The following COL15A1 variants were observed in gnomAD, a reference collection of about 807,000 sequenced individuals.
COL15A1 encodes collagen type XV alpha 1 chain, also known as collagen alpha-1(XV) chain.
A neutral mutation model predicts 165.9 loss-of-function variants in COL15A1; 111 were observed. That is an observed-to-expected ratio of 0.67 (90% confidence interval 0.57 to 0.78). The LOEUF is 0.78. Among genes scored for constraint, COL15A1 ranks in the 30% least tolerant of loss-of-function variants. The pLI is 0.00. For missense variants in COL15A1, 1,745 were observed against 1,789.7 expected (o/e 0.98, Z 0.45); for synonymous variants, 659 against 674.8 (o/e 0.98, Z 0.36).
chr9:99,035,451 T>C, intron 19 of COL15A1, 33 bp downstream of exon 19: 1 of 1,613,568 alleles, frequency 6.2e-7, no homozygotes, highest in Non-Finnish European at 8.5e-7. Flanking sequence ...ATTATGAGGG[T>C]TGTCACACTG....
chr9:99,001,353 A>C (rs1276952302), intron 7 of COL15A1, among the ~76,000 whole-genome samples: 1 of 152,202 alleles, frequency 6.6e-6, no homozygotes, highest in East Asian at 1.9e-4. Context: ...ACACCTGCAA[A>C]GCCAGTTTTT....
In COL15A1 at chr9:99,040,707, T is replaced by C. The variant is rs907166375; in HGVS notation, c.2511+151T>C. 52 of 1,421,650 alleles carry C rather than the reference T, an allele frequency of 3.7e-5. No individual in the cohort carries two copies. In the African/African-American group the frequency reaches 4.9e-4, roughly 14 times the overall value. The allele number at this position is 1,421,650 out of a possible 1,614,324, so 88.1% of individuals were successfully genotyped here. ...TTTTTCTTGATATTTTTGATAGATA[T>C]GGGGTTTTGCCATGTTGCCCAGGCT... On this transcript the variant is annotated intron_variant, in intron 23 of 41. Coordinates refer to ENST00000375001, the MANE Select transcript of COL15A1 (RefSeq NM_001855.5).
chr9:98,959,942 C>T (rs1213573735), intron 2 of COL15A1, among the ~76,000 whole-genome samples: 1 of 152,264 alleles, frequency 6.6e-6, no homozygotes, highest in Non-Finnish European at 1.5e-5. Context: ...CCACCCTGAA[C>T]TGCTTGCTGG....
Position 99,047,652 on chromosome 9 carries a change from C to G in COL15A1, c.2680-134C>G. ...AGGAGGCCGCAGGCAGGGGCTTCTACCTGGCTCCCTGCCCTCCTTCCTCCT... is the reference window on the plus strand; with the variant it reads ...AGGAGGCCGCAGGCAGGGGCTTCTAGCTGGCTCCCTGCCCTCCTTCCTCCT... On this transcript the variant is annotated intron_variant, in intron 26 of 41. Coordinates refer to ENST00000375001, the MANE Select transcript of COL15A1 (RefSeq NM_001855.5). 6.7e-6 allele frequency: 6 copies of G among 893,618 alleles called. No individual in the cohort carries two copies. In the South Asian group the frequency reaches 8.7e-5, roughly 13 times the overall value. The allele number at this position is 893,618 out of a possible 1,614,324, so 55.4% of individuals were successfully genotyped here.
At chr9:99,012,192 A>T (rs1838857050) in intron 9 of COL15A1, among the ~76,000 whole-genome samples, 1 of 152,248 alleles carries the variant, frequency 6.6e-6, no homozygotes. Context: ...TTAAAGACTT[A>T]AGTCGTGTGA....
In COL15A1 at chr9:99,049,907, T is replaced by TCA. The variant is rs1463408894; in HGVS notation, c.2904+14_2904+15dup. 1 of 1,614,222 alleles carries TCA rather than the reference T, an allele frequency of 6.2e-7. No individual in the cohort carries two copies. Among genetic ancestry groups the TCA allele is most frequent in the Non-Finnish European group, 8.5e-7 (1 of 1,180,028 alleles). On this transcript the variant is annotated intron_variant, in intron 30 of 41. Transcript: ENST00000375001. ...ACTGCAAAATGCCAGTAAGTAGCAA[T>TCA]CACTGCCTTAAAGAGCAGGCTTTGG...
chr9:99,056,423 G>A lies in COL15A1; in HGVS notation c.3337+19G>A, dbSNP rs373867738. 1 of 1,592,680 alleles carries A rather than the reference G, an allele frequency of 6.3e-7. No individual in the cohort carries two copies. Among genetic ancestry groups the A allele is most frequent in the East Asian group, 2.2e-5 (1 of 44,706 alleles). On this transcript the variant is annotated intron_variant, in intron 35 of 41. Transcript: ENST00000375001. ...GGAGCAGGTTAGTGCCGTAAACAGT[G>A]CCCTTGTTCATGCTGTCCCTACCAT... is the stretch of plus-strand genomic sequence containing the variant.
intron 2 of COL15A1, among the ~76,000 whole-genome samples, chr9:98,948,369 C>T (rs562842905): frequency 1.3e-5 from 2 of 152,022 alleles, no homozygotes; most frequent in Non-Finnish European, 2.9e-5. Context: ...GAGGCTGGGG[C>T]GGGCAGATCA....
In COL15A1 at chr9:99,054,803, A is replaced by G. The variant is rs79175563; in HGVS notation, c.3031+147A>G. 5,590 of 883,766 alleles carry G rather than the reference A, an allele frequency of 6.3e-3. 158 individuals carry two copies. In the African/African-American group the frequency reaches 0.07, roughly 11 times the overall value. 54.7% of individuals were successfully genotyped at this position (883,766 alleles called of 1,614,324 possible). ...CACTGGTTTCTAGTGAAAACCAAGC[A>G]TGGGCCTGGCATGTCCAATAGGGAA... On this transcript the variant is annotated intron_variant, in intron 32 of 41. Coordinates refer to ENST00000375001, the MANE Select transcript of COL15A1 (RefSeq NM_001855.5).
At position 99,022,071 on chromosome 9, in the gene COL15A1, G is replaced by A; in HGVS notation, c.1702-20G>A. 4 of 1,613,796 alleles carry A rather than the reference G, an allele frequency of 2.5e-6. No individual in the cohort carries two copies. The highest frequency in any genetic ancestry group is 3.4e-6 in the Non-Finnish European group (4 of 1,179,730). On this transcript the variant is annotated intron_variant, in intron 12 of 41. Coordinates refer to ENST00000375001, the MANE Select transcript of COL15A1 (RefSeq NM_001855.5). ...AGGAACAGAGTTCCAGCCGTTCACT[G>A]ACCATTTTGTTCTCTTTAGGGTGAT...
Position 99,062,239 on chromosome 9 carries a change from T to C in COL15A1, c.3532-6T>C. ...CTTTCATTTCAATGTACTGTTTTTC[T>C]TAAAGCTGGGAGAACTGATCCCCAT... On this transcript the variant is annotated splice_region_variant and splice_polypyrimidine_tract_variant and intron_variant, in intron 37 of 41. Coordinates refer to ENST00000375001, the MANE Select transcript of COL15A1 (RefSeq NM_001855.5). 1 of 1,613,606 alleles carries C rather than the reference T, an allele frequency of 6.2e-7. No homozygotes were observed. Among genetic ancestry groups the C allele is most frequent in the East Asian group, 2.2e-5 (1 of 44,882 alleles).
intron 11 of COL15A1, among the ~76,000 whole-genome samples, chr9:99,018,260 G>A (rs1194261693): frequency 6.6e-6 from 1 of 151,452 alleles, no homozygotes; most frequent in Non-Finnish European, 1.5e-5. Flanking sequence ...CGTCTCTTAA[G>A]TGTCTCTTAA....
intron 2 of COL15A1, among the ~76,000 whole-genome samples, chr9:98,984,846 C>T (rs563880964): frequency 6.6e-6 from 1 of 152,258 alleles, no homozygotes; most frequent in African/African-American, 2.4e-5. Flanking sequence ...GGCTGGAGTG[C>T]TGTGGTGCGA....
intron 16 of COL15A1, among the ~76,000 whole-genome samples, chr9:99,028,102 A>G (rs1321237848): frequency 6.6e-6 from 1 of 152,182 alleles, no homozygotes; most frequent in Non-Finnish European, 1.5e-5. Context: ...ATCCACTTAT[A>G]GGGAAGTCTT....
chr9:99,044,832 A>G (rs1425978673), intron 26 of COL15A1, 62 bp downstream of exon 26: 1 of 1,445,310 alleles, frequency 6.9e-7, no homozygotes, highest in Admixed American at 1.7e-5. Context: ...TCATACTTTG[A>G]TTTGGTTAGA....
intron 2 of COL15A1, among the ~76,000 whole-genome samples, chr9:98,967,150 G>A (rs1347818221): frequency 2.6e-5 from 4 of 152,218 alleles, no homozygotes; most frequent in African/African-American, 9.6e-5. Context: ...CTCACAGGCT[G>A]CTGAGGGACA....
At chr9:99,035,259 C>G in intron 18 of COL15A1, 91 bp from the exon 19 acceptor site, 1 of 1,601,772 alleles carries the variant, frequency 6.2e-7, no homozygotes, top group African/African-American at 1.3e-5. Context: ...GTGCGGATTC[C>G]CCTGTGAGCC....
intron 22 of COL15A1, 135 bp from the exon 23 acceptor site, chr9:99,040,386 T>A (rs1362988061): frequency 3.5e-6 from 5 of 1,433,482 alleles, no homozygotes; most frequent in Non-Finnish European, 4.8e-6. Flanking sequence ...CCTTCTTCCC[T>A]AATGCTGTGT....
chr9:99,009,975 T>C (rs1838824029), intron 9 of COL15A1, among the ~76,000 whole-genome samples: 1 of 152,240 alleles, frequency 6.6e-6, no homozygotes, highest in Non-Finnish European at 1.5e-5. Context: ...TAATGGTTAA[T>C]TTATAGAGAA....
Sources: gnomAD v4.1 joint callset for allele counts (sites outside exome capture counted in the v4.1 genomes callset) on GRCh38, gnomAD v4.1.1 for gene constraint, MANE v1.5 for transcripts, NCBI Gene and HGNC (gene_info 2026-07-23, HGNC 2026-07-21) for gene names.